Variants in SLC22A25 observed in about 807,000 individuals in gnomAD.
The protein encoded by SLC22A25 is MGI:2442751, MGI:2385316, MGI:3042283, MGI:3645714, MGI:3605624, MGI:2442750.
In SLC22A25, 44 loss-of-function variants were observed where a neutral mutation model predicts 45.9. That is an observed-to-expected ratio of 0.96 (90% CI 0.75 to 1.23). The LOEUF is 1.23. Ranked by LOEUF, SLC22A25 falls within the 50% of genes most tolerant of loss-of-function variation. SLC22A25 has a pLI of 0.00. For synonymous variants in SLC22A25, 283 were observed against 238.6 expected, an observed-to-expected ratio of 1.19 and a Z score of -1.72; for missense variants, 800 against 666.4, an observed-to-expected ratio of 1.20 and a Z score of -2.21.
chr11:63,183,087 G>C (rs2088387945), intron 8 of SLC22A25, among the ~76,000 whole-genome samples: 1 of 151,714 alleles, frequency 6.6e-6, no homozygotes, highest in Non-Finnish European at 1.5e-5. Flanking sequence ...TAATCCATGG[G>C]GTGGAAAAAA....
intron 7 of SLC22A25, among the ~76,000 whole-genome samples, chr11:63,188,663 G>A (rs2088666301): frequency 6.6e-6 from 1 of 152,150 alleles, no homozygotes; most frequent in Non-Finnish European, 1.5e-5. Context: ...GATCTTTCCT[G>A]CTTTCTCTTG....
At chr11:63,219,971 A>C (rs1247183317) in intron 5 of SLC22A25, 2 of 1,289,186 alleles carry the variant, frequency 1.6e-6, no homozygotes, top group Non-Finnish European at 2.0e-6. Flanking sequence ...GGGCACCTCA[A>C]GTCCCTCGTC....
Position 63,198,363 on chromosome 11 carries a change from A to G in SLC22A25, c.831-14546T>C, listed in dbSNP as rs143999694. Among the ~76,000 whole-genome samples, 188 of 152,324 alleles carry G rather than the reference A, an allele frequency of 1.2e-3. 1 individual carries two copies. Among genetic ancestry groups the G allele is most frequent in the African/African-American group, 4.2e-3 (176 of 41,570 alleles). ...TGATAGACTGGATTAAGAAAATATG[A>G]CACATATAAACCATGGAATACTATG... On this transcript the variant is annotated intron_variant, in intron 7 of 11. Transcript: ENST00000306494.
intron 7 of SLC22A25, among the ~76,000 whole-genome samples, chr11:63,188,428 TTC>T (rs2088652730): frequency 6.6e-6 from 1 of 152,204 alleles, no homozygotes; most frequent in Non-Finnish European, 1.5e-5. Flanking sequence ...TATTTGATTC[TTC>T]TCTCTTTTCT....
chr11:63,160,123 A>G lies in SLC22A25; in HGVS notation c.*3701T>C, dbSNP rs1012195454. 1.3e-5 allele frequency among the ~76,000 whole-genome samples: 2 copies of G among 152,242 alleles called. No individual in the cohort carries two copies. Among genetic ancestry groups the G allele is most frequent in the African/African-American group, 4.8e-5 (2 of 41,456 alleles). On this transcript the variant is annotated 3_prime_UTR_variant, in exon 12 of 12. Transcript: ENST00000306494. ...AAATAAAAACCCATTTTCTGAGGAG[A>G]AATTCAAGCCTGCTGCAGAAATTTG...
At chr11:63,231,807 G>T (rs1350293904) in intron 3 of SLC22A25, among the ~76,000 whole-genome samples, 2 of 152,294 alleles carry the variant, frequency 1.3e-5, no homozygotes, top group East Asian at 1.9e-4. Context: ...ATTAATTTTT[G>T]TGTAAGGTAT....
intron 8 of SLC22A25, 56 bp from the exon 9 acceptor site, chr11:63,180,831 G>GT: frequency 7.8e-7 from 1 of 1,276,870 alleles, no homozygotes; most frequent in Admixed American, 1.8e-5. Context: ...GGTAGGCATT[G>GT]TAAGAGGACT....
chr11:63,231,263 A>T (rs529499302), intron 3 of SLC22A25, among the ~76,000 whole-genome samples: 2 of 152,356 alleles, frequency 1.3e-5, no homozygotes, highest in African/African-American at 2.4e-5. Flanking sequence ...TTACAGTCCC[A>T]CCAACAGTGT....
intron 7 of SLC22A25, among the ~76,000 whole-genome samples, chr11:63,195,553 C>T (rs11822411): frequency 0.1 from 15,367 of 152,042 alleles, 1,258 homozygotes; most frequent in African/African-American, 0.23. Flanking sequence ...TCTTTGAAGC[C>T]AACGAGAACA....
In SLC22A25 at chr11:63,180,665, A is replaced by G. The variant is rs2088285025; in HGVS notation, c.1065T>C (p.Phe355=). Residue 355 remains phenylalanine, a synonymous_variant, in exon 9 of 12, where the codon TTT becomes TTC. Transcript: ENST00000306494. ...ACACACTGCATGAAACTTACCTCAC[A>G]AAGGACAGGAAACAGATTCTTTTAC... ...NICKRICFLS[F]VRFASTIPFW... 2 of 1,609,466 alleles carry G rather than the reference A, an allele frequency of 1.2e-6. No homozygotes were observed. The highest frequency in any genetic ancestry group is 3.4e-5 in the Admixed American group (2 of 59,070).
At chr11:63,215,652 T>C (rs1013785287) in intron 7 of SLC22A25, among the ~76,000 whole-genome samples, 1 of 152,196 alleles carries the variant, frequency 6.6e-6, no homozygotes, top group East Asian at 1.9e-4. Flanking sequence ...TTGGGGCACA[T>C]GTGAACGTTT....
At position 63,159,902 on chromosome 11, in the gene SLC22A25, G is replaced by A. The variant is rs1158810612; in HGVS notation, c.*3922C>T. Among the ~76,000 whole-genome samples the A allele has an allele frequency of 2.0e-5, 3 of 152,352 alleles. No individual in the cohort carries two copies. The highest frequency in any genetic ancestry group is 2.0e-4 in the Admixed American group (3 of 15,302). On this transcript the variant is annotated 3_prime_UTR_variant, in exon 12 of 12. Transcript: ENST00000306494. ...GACTCTTGCTATATTTTAGTAAAGA[G>A]ACTGGCAGCGTTTACTCCTGTCCTA...
intron 7 of SLC22A25, among the ~76,000 whole-genome samples, chr11:63,209,915 G>A (rs918038275): frequency 6.6e-6 from 1 of 152,214 alleles, no homozygotes; most frequent in African/African-American, 2.4e-5. Context: ...ACCCATGCCA[G>A]TTCACTGTGG....
chr11:63,188,374 G>T (rs1028192903), intron 7 of SLC22A25, among the ~76,000 whole-genome samples: 3 of 152,154 alleles, frequency 2.0e-5, no homozygotes, highest in African/African-American at 7.2e-5. Flanking sequence ...TTGTATTTCT[G>T]TGGGATCGGT....
chr11:63,228,592 A>C (rs754384087), intron 4 of SLC22A25, 28 bp from the exon 5 acceptor site: 1 of 1,518,970 alleles, frequency 6.6e-7, no homozygotes, highest in Non-Finnish European at 9.1e-7. Context: ...CCTCATATCA[A>C]TGCTTATAGC....
chr11:63,163,716 T>A lies in SLC22A25; in HGVS notation c.*108A>T, dbSNP rs1479189499. The A allele has an allele frequency of 3.5e-5, 50 of 1,436,942 alleles. No homozygotes were observed. Among genetic ancestry groups the A allele is most frequent in the Middle Eastern group, 2.6e-4 (1 of 3,840 alleles). 89.0% of individuals were successfully genotyped at this position (1,436,942 alleles called of 1,614,324 possible). A position where few individuals can be genotyped will look rare whatever the true frequency, so the allele number is the denominator to read the frequency against. The stretch of plus-strand genomic sequence containing the variant: ...ATGTATGAGGTCACTGTGGAAGGGA[T>A]GAGGATACACCAAAGGCAAAGGCAC... On this transcript the variant is annotated 3_prime_UTR_variant, in exon 12 of 12. Transcript: ENST00000306494.
intron 5 of SLC22A25, among the ~76,000 whole-genome samples, chr11:63,221,742 G>C (rs1482115030): frequency 1.3e-5 from 2 of 151,948 alleles, no homozygotes; most frequent in African/African-American, 4.8e-5. Context: ...ATGTTTTCTT[G>C]CATTAGTTTC....
Position 63,166,244 on chromosome 11 carries a change from A to T in SLC22A25, c.1085T>A (p.Ile362Asn). The change falls in exon 10 of 12, where the codon ATC becomes AAC. Residue 362 changes from isoleucine to asparagine, a missense_variant. Transcript: ENST00000306494. ...GTGCAAAGTAAGGCCCCAAAAAGGG[A>T]TGGTACTTGCAAATCTGCAGGGAAC... ...FLSFVRFAST[I>N]PFWGLTLHLQ... 1.2e-6 allele frequency: 2 copies of T among 1,613,918 alleles called. No individual in the cohort carries two copies. Among genetic ancestry groups the T allele is most frequent in the Non-Finnish European group, 1.7e-6 (2 of 1,179,900 alleles).
Position 63,186,229 on chromosome 11 carries a change from C to T in SLC22A25, c.831-2412G>A, listed in dbSNP as rs1436737106. On this transcript the variant is annotated intron_variant, in intron 7 of 11. Coordinates refer to ENST00000306494, the MANE Select transcript of SLC22A25 (RefSeq NM_199352.6). ...TGTTGTTTCCTGACTTTTTAATGAT[C>T]ACCATTCTAACTGGTGTGAGATGGT... Among the ~76,000 whole-genome samples, 607 of 128,324 alleles carry T rather than the reference C, an allele frequency of 4.7e-3. 9 individuals are homozygous for T. Among genetic ancestry groups the T allele is most frequent in the African/African-American group, 0.017 (585 of 34,824 alleles). The allele number at this position is 128,324 out of a possible 152,430, so 84.2% of individuals were successfully genotyped here. A position where few individuals can be genotyped will look rare whatever the true frequency, so the allele number is the denominator to read the frequency against.
Sources: gnomAD v4.1 joint callset for allele counts (sites outside exome capture counted in the v4.1 genomes callset) on GRCh38, gnomAD v4.1.1 for gene constraint, MANE v1.5 for transcripts, NCBI Gene and HGNC (gene_info 2026-07-23, HGNC 2026-07-21) for gene names.